KLHL14: variants seen among roughly 807,000 people sequenced by gnomAD.
KLHL14 encodes kelch like family member 14.
Under a neutral mutation model 64.3 loss-of-function variants are expected in KLHL14, and 22 were observed. The observed-to-expected ratio is 0.34, with a 90% confidence interval of 0.24 to 0.49. KLHL14 has a LOEUF of 0.49. Ranked by LOEUF, KLHL14 falls within the 20% of genes least tolerant of loss-of-function variation. The pLI is 0.99. For synonymous variants in KLHL14, 322 were observed against 333.4 expected (o/e 0.97, Z 0.37); for missense variants, 661 against 789.0 (o/e 0.84, Z 1.94).
At chr18:32,771,010 G>A in intron 1 of KLHL14, 1 of 392,850 alleles carries the variant, frequency 2.5e-6, no homozygotes, top group Non-Finnish European at 5.1e-6. Context: ...GCACCTCGTG[G>A]GCTCGTGTCC....
At chr18:32,753,991 C>A (rs887807588) in intron 2 of KLHL14, among the ~76,000 whole-genome samples, 4 of 152,228 alleles carry the variant, frequency 2.6e-5, no homozygotes, top group African/African-American at 9.6e-5. Context: ...GACTAATCCT[C>A]CTGCCTGCAA....
At chr18:32,751,530 A>G (rs958613369) in intron 2 of KLHL14, among the ~76,000 whole-genome samples, 1 of 152,140 alleles carries the variant, frequency 6.6e-6, no homozygotes, top group Non-Finnish European at 1.5e-5. Context: ...GGGTTTTCTC[A>G]CACAACTCTT....
chr18:32,769,645 C>A lies in KLHL14; in HGVS notation c.947G>T (p.Arg316Ile), dbSNP rs751918480. Residue 316 changes from arginine (R) to isoleucine (I), a missense_variant and splice_region_variant, in exon 2 of 9, where the codon AGA (arginine) becomes ATA (isoleucine). Around this residue, in one of 2 missense-constraint regions of KLHL14, gnomAD observed 330 missense variants for 450.0 expected, o/e 0.73. Transcript: ENST00000359358. ...CGCCCTCCTCTTTGTTGTCTCCTAC[C>A]TGCTGGCCAGGCTCTGCCTGCAGTG... The part of the protein sequence containing the change: ...RQHCRQSLAS[R>I]IRSNKKMLLL... 2 of 1,431,974 alleles carry A rather than the reference C, an allele frequency of 1.4e-6. No homozygotes were observed. The highest frequency in any genetic ancestry group is 1.9e-6 in the Non-Finnish European group (2 of 1,080,402). The allele number at this position is 1,431,974 out of a possible 1,614,324, so 88.7% of individuals were successfully genotyped here.
chr18:32,764,395 C>T (rs921345378), intron 2 of KLHL14, among the ~76,000 whole-genome samples: 1 of 151,994 alleles, frequency 6.6e-6, no homozygotes, highest in Non-Finnish European at 1.5e-5. Flanking sequence ...TAACTTAGCA[C>T]GGTAGAATTA....
At chr18:32,679,543 T>G (rs2049827942) in intron 7 of KLHL14, among the ~76,000 whole-genome samples, 1 of 152,152 alleles carries the variant, frequency 6.6e-6, no homozygotes, top group Admixed American at 6.5e-5. Flanking sequence ...TAATGTTATA[T>G]ATGTGCACAT....
intron 2 of KLHL14, chr18:32,745,330 C>T (rs563545829): frequency 1.3e-5 from 2 of 151,992 alleles, no homozygotes; most frequent in Non-Finnish European, 2.9e-5. Flanking sequence ...AAATTGAAAC[C>T]CAAAATAGGA....
chr18:32,769,821 C>A lies in KLHL14; in HGVS notation c.771G>T (p.Ala257=). The change falls in exon 2 of 9, where the codon GCG becomes GCT. Residue 257 remains alanine, a synonymous_variant. Coordinates refer to ENST00000359358, the MANE Select transcript of KLHL14 (RefSeq NM_020805.3). ...EHDRETRMQY[A]PDLMKRLRFA... Reference sequence around the variant, plus strand: ...AGCGGAGGCGCTTCATGAGGTCAGGCGCATACTGCATGCGGGTCTCGCGGT... The same window carrying A: ...AGCGGAGGCGCTTCATGAGGTCAGGAGCATACTGCATGCGGGTCTCGCGGT... 6.2e-7 allele frequency: 1 copy of A among 1,613,518 alleles called. No homozygotes were observed. The highest frequency in any genetic ancestry group is 8.5e-7 in the Non-Finnish European group (1 of 1,179,864).
At chr18:32,716,650 C>T (rs776872137) in intron 3 of KLHL14, among the ~76,000 whole-genome samples, 1 of 152,262 alleles carries the variant, frequency 6.6e-6, no homozygotes, top group East Asian at 1.9e-4. Context: ...AACTCCTGAC[C>T]TCAGGTGATC....
chr18:32,742,511 C>T (rs374068210), intron 2 of KLHL14, among the ~76,000 whole-genome samples: 106 of 152,184 alleles, frequency 7.0e-4, no homozygotes, highest in African/African-American at 2.4e-3. Flanking sequence ...CTTTAATCAC[C>T]CAGGGAACTT....
intron 1 of KLHL14, among the ~76,000 whole-genome samples, chr18:32,771,486 T>C (rs561081328): frequency 6.6e-6 from 1 of 152,280 alleles, no homozygotes; most frequent in African/African-American, 2.4e-5. Context: ...GCTTTAAACC[T>C]GGCAGGAGAA....
At chr18:32,734,037 A>T (rs1342961353) in intron 3 of KLHL14, 2 of 640,998 alleles carry the variant, frequency 3.1e-6, no homozygotes, top group East Asian at 5.4e-5. Flanking sequence ...GGTCCTCCAC[A>T]ATGAGCTTGA....
At chr18:32,701,462 A>G (rs2049965997) in intron 3 of KLHL14, among the ~76,000 whole-genome samples, 1 of 152,180 alleles carries the variant, frequency 6.6e-6, no homozygotes, top group Non-Finnish European at 1.5e-5. Flanking sequence ...AAGCAGAGAG[A>G]AAGCCTGTGT....
At chr18:32,702,102 T>A (rs181994642) in intron 3 of KLHL14, among the ~76,000 whole-genome samples, 26 of 152,212 alleles carry the variant, frequency 1.7e-4, no homozygotes, top group Non-Finnish European at 3.7e-4. Context: ...GTTTTTGATA[T>A]AATTTATGTT....
intron 3 of KLHL14, among the ~76,000 whole-genome samples, chr18:32,706,256 A>T (rs567352462): frequency 2.9e-4 from 44 of 152,156 alleles, no homozygotes; most frequent in Non-Finnish European, 5.6e-4. Context: ...GTCACACATA[A>T]GGGAAATTAA....
intron 3 of KLHL14, among the ~76,000 whole-genome samples, chr18:32,703,944 T>C (rs1485072397): frequency 6.6e-6 from 1 of 152,140 alleles, no homozygotes; most frequent in Non-Finnish European, 1.5e-5. Context: ...TTCAGAGACA[T>C]GTCAATGAAA....
chr18:32,770,094 G>T lies in KLHL14; in HGVS notation c.498C>A (p.Ile166=). Residue 166 remains isoleucine (I), a synonymous_variant, in exon 2 of 9, where the codon ATC becomes ATA. Coordinates refer to ENST00000359358, the MANE Select transcript of KLHL14 (RefSeq NM_020805.3). This position sits in a 1 kb window ranked among gnomAD's most constrained non-coding sequence, Gnocchi z 6.7. ...GCACGCAGAGCTTGGTGACCTGGGG[G>T]ATGTGCAGGATCTTGCTGACCGACA... ...EVLSVSKILH[I]PQVTKLCVQF... is the part of the protein sequence containing the mutation. 6.2e-7 allele frequency: 1 copy of T among 1,614,164 alleles called. No homozygotes were observed. Among genetic ancestry groups the T allele is most frequent in the Non-Finnish European group, 8.5e-7 (1 of 1,180,022 alleles).
intron 2 of KLHL14, among the ~76,000 whole-genome samples, chr18:32,760,508 C>T (rs554124327): frequency 2.0e-5 from 3 of 152,286 alleles, no homozygotes; most frequent in African/African-American, 7.2e-5. Flanking sequence ...TTCAGAGGCA[C>T]CTGAAGGCAC....
intron 2 of KLHL14, among the ~76,000 whole-genome samples, chr18:32,764,884 AT>A (rs901551199): frequency 6.0e-5 from 9 of 150,638 alleles, no homozygotes; most frequent in Non-Finnish European, 7.4e-5. Flanking sequence ...AACTCTCCTA[AT>A]TTTTTTTTTA....
At chr18:32,679,846 T>C (rs560317631) in intron 7 of KLHL14, among the ~76,000 whole-genome samples, 1 of 152,278 alleles carries the variant, frequency 6.6e-6, no homozygotes, top group South Asian at 2.1e-4. Context: ...ACTTTGGTGA[T>C]AAGAAATAAT....
Sources: allele counts gnomAD v4.1 joint callset (sites outside exome capture counted in the v4.1 genomes callset), GRCh38; gene constraint gnomAD v4.1.1; regional missense constraint gnomAD v4.1.1; non-coding constraint Gnocchi (gnomAD v3.1); transcripts MANE v1.5; gene names NCBI Gene and HGNC (gene_info 2026-07-23, HGNC 2026-07-21).